PIGF: variants seen among roughly 807,000 people sequenced by gnomAD.
PIGF encodes GPI ethanolamine phosphate transferase, stabilizing subunit.
In PIGF, 23 loss-of-function variants were observed where a neutral mutation model predicts 26.0. That is an observed-to-expected ratio of 0.88 (90% CI 0.64 to 1.25). The LOEUF is 1.25. Among genes scored for constraint, PIGF ranks in the 50% most tolerant of loss-of-function variants. PIGF has a pLI of 0.00. For synonymous variants in PIGF, 93 were observed against 92.6 expected, an observed-to-expected ratio of 1.00 and a Z score of -0.03; for missense variants, 278 against 249.9, an observed-to-expected ratio of 1.11 and a Z score of -0.76.
chr2:46,616,868 G>GATCTAGTGTAGAT, intron 1 of PIGF, 102 bp downstream of exon 1: 1 of 311,748 alleles, frequency 3.2e-6, no homozygotes, highest in Admixed American at 4.9e-5. Context: ...GACGGCGAGC[G>GATCTAGTGTAGAT]CCGGCGGGTC....
chr2:46,588,962 G>A lies in PIGF; in HGVS notation c.546+3513C>T, dbSNP rs1420373015. Among the ~76,000 whole-genome samples, 1 of 152,076 alleles carries A rather than the reference G, an allele frequency of 6.6e-6. No individual in the cohort carries two copies. The highest frequency in any genetic ancestry group is 1.5e-5 in the Non-Finnish European group (1 of 67,928). The stretch of plus-strand genomic sequence containing the variant: ...AAATTATAAAATACAAAGGTTTTCT[G>A]TAGTCCAAATATTTATTTTGTCAGC... On this transcript the variant is annotated intron_variant, in intron 5 of 5. Coordinates refer to ENST00000281382, the MANE Select transcript of PIGF (RefSeq NM_002643.4). The surrounding 1 kb of genome is among the most constrained non-coding windows in gnomAD (Gnocchi z 4.1).
intron 4 of PIGF, among the ~76,000 whole-genome samples, chr2:46,604,922 G>T (rs1002842373): frequency 2.0e-5 from 3 of 151,880 alleles, no homozygotes; most frequent in Admixed American, 6.6e-5. Flanking sequence ...ACCCTGATGT[G>T]ATTATTATGC....
intron 4 of PIGF, among the ~76,000 whole-genome samples, chr2:46,599,901 T>G (rs532856922): frequency 6.6e-6 from 1 of 152,296 alleles, no homozygotes; most frequent in East Asian, 1.9e-4. Flanking sequence ...CATCCTATCT[T>G]AACTAGCCCC....
At chr2:46,587,235 A>G (rs1282485038) in intron 5 of PIGF, among the ~76,000 whole-genome samples, 3 of 152,220 alleles carry the variant, frequency 2.0e-5, no homozygotes, top group Non-Finnish European at 2.9e-5. Context: ...GGAAATACCA[A>G]TTAACGTAAA....
At chr2:46,613,213 G>C (rs1051289223) in intron 3 of PIGF, among the ~76,000 whole-genome samples, 17 of 151,944 alleles carry the variant, frequency 1.1e-4, no homozygotes, top group African/African-American at 3.6e-4. Flanking sequence ...TTGTTTCTAA[G>C]AATTTGAAAT....
chr2:46,603,906 GAAAGTGAAGAGAC>G (rs1052756929), intron 4 of PIGF, among the ~76,000 whole-genome samples: 6 of 151,774 alleles, frequency 4.0e-5, no homozygotes, highest in African/African-American at 1.5e-4. Context: ...AAACAATCAA[GAAAGTGAAGAGAC>G]AACCCACAGA....
At chr2:46,598,695 G>A (rs1034136344) in intron 4 of PIGF, among the ~76,000 whole-genome samples, 1 of 151,814 alleles carries the variant, frequency 6.6e-6, no homozygotes, top group Non-Finnish European at 1.5e-5. Flanking sequence ...GTGGGAATAG[G>A]GTATGACTGC....
chr2:46,585,405 A>C (rs1294867842), intron 5 of PIGF, among the ~76,000 whole-genome samples: 2 of 152,224 alleles, frequency 1.3e-5, no homozygotes, highest in Non-Finnish European at 2.9e-5. Context: ...TATTAAAATT[A>C]CCAGGAAGAA....
chr2:46,586,119 C>G (rs1377554512), intron 5 of PIGF, among the ~76,000 whole-genome samples: 1 of 152,184 alleles, frequency 6.6e-6, no homozygotes. Context: ...TGTGAAATGT[C>G]TGTTACAAGA....
intron 4 of PIGF, among the ~76,000 whole-genome samples, chr2:46,608,650 C>A (rs1670299801): frequency 6.6e-6 from 1 of 152,148 alleles, no homozygotes; most frequent in Non-Finnish European, 1.5e-5. Flanking sequence ...ACTCCTTGAT[C>A]CGTGGGCTAC....
chr2:46,616,032 T>C (rs1429437153), intron 1 of PIGF: 3 of 130,554 alleles, frequency 2.3e-5, no homozygotes, highest in African/African-American at 1.0e-4. Context: ...AAAAAAATAC[T>C]ATACACACAC....
chr2:46,594,853 T>C (rs1669833869), intron 4 of PIGF, among the ~76,000 whole-genome samples: 1 of 145,554 alleles, frequency 6.9e-6, no homozygotes, highest in African/African-American at 2.5e-5. Context: ...TTTTTTTTTG[T>C]TTGTTTTTGT....
At position 46,592,373 on chromosome 2, in the gene PIGF, T is replaced by C. The variant is rs183484686; in HGVS notation, c.546+102A>G. ...TGATAGAAGTGGTATCCCTACTTAA[T>C]TGAACAACAAAACAATTTACATATA... On this transcript the variant is annotated intron_variant, in intron 5 of 5. Coordinates refer to ENST00000281382, the MANE Select transcript of PIGF (RefSeq NM_002643.4). 41 of 678,884 alleles carry C rather than the reference T, an allele frequency of 6.0e-5. No individual in the cohort carries two copies. In the Admixed American group the frequency reaches 6.1e-4, roughly 10 times the overall value. 42.1% of individuals were successfully genotyped at this position (678,884 alleles called of 1,614,324 possible). A position where few individuals can be genotyped will look rare whatever the true frequency, so the allele number is the denominator to read the frequency against.
chr2:46,612,086 T>G (rs1572786528), intron 4 of PIGF, 142 bp downstream of exon 4: 2 of 359,078 alleles, frequency 5.6e-6, no homozygotes, highest in East Asian at 8.5e-5. Flanking sequence ...AGTCCCTAAT[T>G]GCAGTGACCC....
intron 4 of PIGF, among the ~76,000 whole-genome samples, chr2:46,611,617 CCTT>C (rs1670421541): frequency 6.6e-6 from 1 of 151,898 alleles, no homozygotes; most frequent in African/African-American, 2.4e-5. Context: ...AATCAAATAA[CCTT>C]CTGGCTTTCT....
chr2:46,607,403 T>A (rs567577275), intron 4 of PIGF, among the ~76,000 whole-genome samples: 1 of 152,344 alleles, frequency 6.6e-6, no homozygotes, highest in East Asian at 1.9e-4. Flanking sequence ...TACTGCAGAT[T>A]TGGTTCCAGA....
chr2:46,592,526 TC>T lies in PIGF; in HGVS notation c.494del (p.Gly165GlufsTer69). On this transcript the variant is annotated frameshift_variant, in exon 5 of 6. Transcript: ENST00000281382. LOFTEE classifies it high-confidence loss of function. The stretch of plus-strand genomic sequence containing the variant: ...GAATAGGAAGTGCTCCAAGCCATGC[TC>T]CTACAAAGCTAGAAATTGTAGTGAT... ...LQITTISSFV[G>X]AWLGALPIPL... 6.2e-7 allele frequency: 1 copy of T among 1,611,830 alleles called. No homozygotes were observed. Among genetic ancestry groups the T allele is most frequent in the Non-Finnish European group, 8.5e-7 (1 of 1,177,878 alleles).
At chr2:46,610,127 T>C (rs950032779) in intron 4 of PIGF, among the ~76,000 whole-genome samples, 2 of 152,234 alleles carry the variant, frequency 1.3e-5, no homozygotes, top group African/African-American at 2.4e-5. Context: ...ATCTTCTCTC[T>C]ACATGTCACT....
intron 4 of PIGF, among the ~76,000 whole-genome samples, chr2:46,606,799 G>A (rs560577241): frequency 2.0e-5 from 3 of 152,230 alleles, no homozygotes; most frequent in Non-Finnish European, 4.4e-5. Context: ...ATACACAAAT[G>A]TTTGATGCAG....
Sources: allele counts gnomAD v4.1 joint callset (sites outside exome capture counted in the v4.1 genomes callset), GRCh38; gene constraint gnomAD v4.1.1; non-coding constraint Gnocchi (gnomAD v3.1); transcripts MANE v1.5; gene names NCBI Gene and HGNC (gene_info 2026-07-23, HGNC 2026-07-21).